Variants in CACNG2 observed in about 807,000 individuals in gnomAD.
CACNG2 encodes calcium voltage-gated channel auxiliary subunit gamma 2.
CACNG2 carries 3 observed loss-of-function variants against 25.9 expected under a neutral mutation model. The observed-to-expected ratio is 0.12, with a 90% confidence interval of 0.05 to 0.30. The LOEUF is 0.30. Ranked by LOEUF, CACNG2 falls within the 10% of genes least tolerant of loss-of-function variation. The probability of loss-of-function intolerance (pLI) is 1.00; values close to 1 mark genes in which losing one functional copy is unlikely to be tolerated. For missense variants in CACNG2, 341 were observed against 432.5 expected (o/e 0.79, Z 1.88); for synonymous variants, 167 against 173.3 (o/e 0.96, Z 0.29).
chr22:36,613,525 T>C (rs1373162627), intron 1 of CACNG2, among the ~76,000 whole-genome samples: 1 of 152,172 alleles, frequency 6.6e-6, no homozygotes, highest in Non-Finnish European at 1.5e-5. Context: ...TTTCTTCCTG[T>C]TCATTTTCAG....
At chr22:36,622,317 AGGG>A (rs1196704576) in intron 1 of CACNG2, among the ~76,000 whole-genome samples, 1 of 152,242 alleles carries the variant, frequency 6.6e-6, no homozygotes, top group East Asian at 1.9e-4. Flanking sequence ...TGCAGACTGC[AGGG>A]CCCTATGCCC....
At chr22:36,568,941 G>A (rs1054837255) in intron 2 of CACNG2, among the ~76,000 whole-genome samples, 2 of 152,004 alleles carry the variant, frequency 1.3e-5, no homozygotes. Context: ...GGGCGGGATG[G>A]GGCTGCTCCT....
intron 2 of CACNG2, among the ~76,000 whole-genome samples, chr22:36,580,357 G>A (rs1483852212): frequency 1.3e-5 from 2 of 152,148 alleles, no homozygotes; most frequent in Non-Finnish European, 2.9e-5. Context: ...CAGGCTGCCT[G>A]TCATCGTCCT....
chr22:36,659,668 T>C (rs945685438), intron 1 of CACNG2, among the ~76,000 whole-genome samples: 1 of 90,656 alleles, frequency 1.1e-5, no homozygotes, highest in African/African-American at 4.3e-5. Flanking sequence ...ATGGCAGGGG[T>C]GGGATGGTGC....
At chr22:36,654,697 TA>T (rs1010683218) in intron 1 of CACNG2, among the ~76,000 whole-genome samples, 44 of 152,046 alleles carry the variant, frequency 2.9e-4, no homozygotes, top group African/African-American at 9.4e-4. Context: ...TTCAGACGCA[TA>T]AAAAAAAGTT....
At chr22:36,593,162 C>T (rs1315103702) in intron 1 of CACNG2, among the ~76,000 whole-genome samples, 1 of 152,200 alleles carries the variant, frequency 6.6e-6, no homozygotes, top group Non-Finnish European at 1.5e-5. Flanking sequence ...AGCCAGCTTC[C>T]CTGACATAGT....
chr22:36,702,312 A>C, intron 1 of CACNG2, 54 bp downstream of exon 1: 5 of 847,162 alleles, frequency 5.9e-6, no homozygotes, highest in Non-Finnish European at 8.5e-6. Flanking sequence ...GGGAGGGGGG[A>C]GTGAAAGGGG....
intron 2 of CACNG2, among the ~76,000 whole-genome samples, chr22:36,580,235 C>T (rs1935390547): frequency 6.6e-6 from 1 of 152,054 alleles, no homozygotes; most frequent in Non-Finnish European, 1.5e-5. Context: ...CTGCCTCCCA[C>T]TGGTGTCCAA....
In CACNG2 at chr22:36,563,600, C is replaced by T. The variant is rs148951801; in HGVS notation, c.*751G>A. The stretch of plus-strand genomic sequence containing the variant: ...GTGTACCCCCCTCCAGGCACCCTAA[C>T]GGAGAGGAGGGACAAGGGCTCGGTC... On this transcript the variant is annotated 3_prime_UTR_variant, in exon 4 of 4. Coordinates refer to ENST00000300105, the MANE Select transcript of CACNG2 (RefSeq NM_006078.5). Among the ~76,000 whole-genome samples the T allele has an allele frequency of 3.9e-5, 6 of 152,090 alleles. No individual in the cohort carries two copies. The highest frequency in any genetic ancestry group is 9.7e-5 in the African/African-American group (4 of 41,412).
intron 1 of CACNG2, among the ~76,000 whole-genome samples, chr22:36,618,682 A>G (rs559871814): frequency 6.6e-6 from 1 of 152,344 alleles, no homozygotes; most frequent in African/African-American, 2.4e-5. Flanking sequence ...GCACTTTGGG[A>G]GGCTGAGGCG....
chr22:36,570,902 G>A (rs1166960437), intron 2 of CACNG2, among the ~76,000 whole-genome samples: 2 of 152,028 alleles, frequency 1.3e-5, no homozygotes, highest in African/African-American at 2.4e-5. Flanking sequence ...CATTGGAGAC[G>A]TTTCTTGAAG....
At chr22:36,582,611 G>A (rs1037834851) in intron 2 of CACNG2, among the ~76,000 whole-genome samples, 32 of 151,002 alleles carry the variant, frequency 2.1e-4, no homozygotes, top group African/African-American at 7.3e-4. Flanking sequence ...GTTTCTCCAT[G>A]TTGGTCAGGC....
At position 36,691,587 on chromosome 22, in the gene CACNG2, T is replaced by C. The variant is rs187949101; in HGVS notation, c.211+10779A>G. Among the ~76,000 whole-genome samples the C allele has an allele frequency of 3.9e-5, 6 of 152,294 alleles. No individual in the cohort carries two copies. In the East Asian group the frequency reaches 1.2e-3, roughly 29 times the overall value. On this transcript the variant is annotated intron_variant, in intron 1 of 3. Coordinates refer to ENST00000300105, the MANE Select transcript of CACNG2 (RefSeq NM_006078.5). ...GAGAAAATGGAAGATATAATTAGTG[T>C]CATAGAAGGCTGTACACAGGTTTTG...
intron 2 of CACNG2, among the ~76,000 whole-genome samples, chr22:36,570,263 C>T (rs530374581): frequency 2.0e-5 from 3 of 152,244 alleles, no homozygotes; most frequent in South Asian, 4.1e-4. Flanking sequence ...TGGAGGGCGG[C>T]GGGAGAGCAG....
At chr22:36,645,104 T>C (rs919985886) in intron 1 of CACNG2, among the ~76,000 whole-genome samples, 1 of 152,176 alleles carries the variant, frequency 6.6e-6, no homozygotes, top group Admixed American at 6.6e-5. Flanking sequence ...TGCTATGCAG[T>C]TTTTAAACAA....
chr22:36,675,296 C>T (rs1937006182), intron 1 of CACNG2, among the ~76,000 whole-genome samples: 1 of 152,026 alleles, frequency 6.6e-6, no homozygotes, highest in African/African-American at 2.4e-5. Context: ...CTTCCCGCCT[C>T]GGTCCCCAAA....
chr22:36,630,757 CT>C (rs1466745117), intron 1 of CACNG2, among the ~76,000 whole-genome samples: 3 of 152,136 alleles, frequency 2.0e-5, no homozygotes, highest in Non-Finnish European at 4.4e-5. Context: ...AATTAAGATG[CT>C]GTTGTCATAG....
At chr22:36,633,796 T>G (rs1252326414) in intron 1 of CACNG2, among the ~76,000 whole-genome samples, 1 of 152,242 alleles carries the variant, frequency 6.6e-6, no homozygotes, top group Non-Finnish European at 1.5e-5. Context: ...GTGAGTTGAT[T>G]GACTTGTTAA....
chr22:36,623,928 G>A (rs1296036823), intron 1 of CACNG2, among the ~76,000 whole-genome samples: 2 of 152,190 alleles, frequency 1.3e-5, no homozygotes, highest in African/African-American at 4.8e-5. Flanking sequence ...CCTTGGGCAA[G>A]TTGCTTGACT....
Sources: gnomAD v4.1 joint callset for allele counts (sites outside exome capture counted in the v4.1 genomes callset) on GRCh38, gnomAD v4.1.1 for gene constraint, MANE v1.5 for transcripts, NCBI Gene and HGNC (gene_info 2026-07-23, HGNC 2026-07-21) for gene names.